The following AKAP9 variants were observed in gnomAD, a reference collection of about 807,000 sequenced individuals.
AKAP9 encodes A-kinase anchor protein 9.
A neutral mutation model predicts 488.5 loss-of-function variants in AKAP9; 311 were observed. The ratio of observed to expected loss-of-function variants is 0.64; its 90% confidence interval spans 0.58 to 0.70. The LOEUF (loss-of-function observed/expected upper bound fraction) is 0.70. AKAP9 is among the 30% of genes least tolerant of loss of function. The probability of loss-of-function intolerance (pLI) is 0.00; values close to 1 mark genes in which losing one functional copy is unlikely to be tolerated. For missense variants in AKAP9, 4,215 were observed against 4,374.5 expected, an observed-to-expected ratio of 0.96 and a Z score of 1.03; for synonymous variants, 1,462 against 1,483.5, an observed-to-expected ratio of 0.99 and a Z score of 0.33.
chr7:92,005,049 G>A (rs1799642699), intron 8 of AKAP9, among the ~76,000 whole-genome samples: 1 of 152,084 alleles, frequency 6.6e-6, no homozygotes, highest in South Asian at 2.1e-4. Context: ...TTTTGTCCAA[G>A]GCCTTTTCTG....
Position 92,097,705 on chromosome 7 carries a change from CG to C in AKAP9, c.10520del (p.Gly3507AlafsTer6). 1 of 1,614,056 alleles carries C rather than the reference CG, an allele frequency of 6.2e-7. No homozygotes were observed. Among genetic ancestry groups the C allele is most frequent in the Non-Finnish European group, 8.5e-7 (1 of 1,180,012 alleles). ...TGATTGAAATGAATGGAGGAGGAAC[CG>C]GCTGTAATCATGAATTAGAAATGAT... ...KLIEMNGGGT[G>X]CNHELEMIRQ... On this transcript the variant is annotated frameshift_variant, in exon 42 of 50. Coordinates refer to ENST00000356239, the MANE Select transcript of AKAP9 (RefSeq NM_005751.5). LOFTEE classifies it high-confidence loss of function.
At chr7:91,994,123 T>A (rs1798102589) in intron 5 of AKAP9, among the ~76,000 whole-genome samples, 1 of 152,110 alleles carries the variant, frequency 6.6e-6, no homozygotes, top group Non-Finnish European at 1.5e-5. Flanking sequence ...AGCGAGACCC[T>A]GTCTCAAAAA....
At chr7:92,043,070 G>A in intron 20 of AKAP9, 1 of 234,610 alleles carries the variant, frequency 4.3e-6, no homozygotes, top group East Asian at 9.0e-5. Context: ...TGATTTTGTA[G>A]AGGTTAATAT....
Position 92,066,548 on chromosome 7 carries a change from T to C in AKAP9, c.6330+2T>C. ...ATCAGTGAACATCAAACTAGAGAGG[T>C]AAGAACTTCACTGATATTGCCCAAC... On this transcript the variant is annotated splice_donor_variant, in intron 26 of 49. Coordinates refer to ENST00000356239, the MANE Select transcript of AKAP9 (RefSeq NM_005751.5). LOFTEE classifies it high-confidence loss of function. 1.9e-6 allele frequency: 3 copies of C among 1,613,306 alleles called. No individual in the cohort carries two copies. Among genetic ancestry groups the C allele is most frequent in the Non-Finnish European group, 2.5e-6 (3 of 1,179,508 alleles).
At chr7:92,019,647 A>T (rs185552356) in intron 12 of AKAP9, among the ~76,000 whole-genome samples, 1 of 150,432 alleles carries the variant, frequency 6.6e-6, no homozygotes, top group Admixed American at 6.6e-5. Flanking sequence ...TTACATATAT[A>T]TATATAATAT....
At chr7:91,949,092 T>G (rs1369601079) in intron 1 of AKAP9, among the ~76,000 whole-genome samples, 1 of 152,018 alleles carries the variant, frequency 6.6e-6, no homozygotes, top group Admixed American at 6.6e-5. Context: ...TTAATATCCC[T>G]TGCCCATTTT....
At position 92,077,753 on chromosome 7, in the gene AKAP9, G is replaced by A. The variant is rs1563098925; in HGVS notation, c.6823G>A (p.Asp2275Asn). 1 of 1,613,814 alleles carries A rather than the reference G, an allele frequency of 6.2e-7. No homozygotes were observed. Among genetic ancestry groups the A allele is most frequent in the Non-Finnish European group, 8.5e-7 (1 of 1,179,896 alleles). Reference protein sequence around the residue: ...IKESDAMSTQDQHVLFGKFAQ... With the variant: ...IKESDAMSTQNQHVLFGKFAQ... The stretch of plus-strand genomic sequence containing the variant: ...GGAATCTGATGCCATGTCTACTCAA[G>A]ACCAACATGTGCTATTTGGGAAATT... The change falls in exon 30 of 50, where the codon GAC becomes AAC. Residue 2275 changes from aspartate (D) to asparagine (N), a missense_variant. Physicochemically the swap from Asp to Asn is conservative, Grantham distance 23 (BLOSUM62 1). Around this residue, in one of 5 missense-constraint regions of AKAP9, gnomAD observed 1,476 missense variants for 1,477.4 expected, o/e 1.00. Coordinates refer to ENST00000356239, the MANE Select transcript of AKAP9 (RefSeq NM_005751.5).
At chr7:92,022,049 G>A (rs1177051046) in intron 12 of AKAP9, among the ~76,000 whole-genome samples, 189 bp from the exon 13 acceptor site, 1 of 152,150 alleles carries the variant, frequency 6.6e-6, no homozygotes, top group East Asian at 1.9e-4. Flanking sequence ...GCTATGAAAG[G>A]TATGGAATAT....
At chr7:92,043,213 C>T (rs1053137229) in intron 20 of AKAP9, 2 of 339,924 alleles carry the variant, frequency 5.9e-6, no homozygotes, top group African/African-American at 4.5e-5. Context: ...ATATTTACTT[C>T]TTAATTTCCT....
At chr7:91,994,527 A>T in intron 5 of AKAP9, 94 bp from the exon 6 acceptor site, 2 of 1,027,496 alleles carry the variant, frequency 1.9e-6, no homozygotes, top group Non-Finnish European at 2.9e-6. Context: ...TGTAAGAATT[A>T]TGCCAATGTG....
chr7:92,014,650 A>T (rs900809774), intron 10 of AKAP9, among the ~76,000 whole-genome samples: 1 of 152,164 alleles, frequency 6.6e-6, no homozygotes, highest in African/African-American at 2.4e-5. Flanking sequence ...AATAAATTTT[A>T]AAAAATAAAT....
chr7:92,013,014 C>T (rs1385463228), intron 9 of AKAP9, among the ~76,000 whole-genome samples: 7 of 72,442 alleles, frequency 9.7e-5, no homozygotes, highest in Non-Finnish European at 1.2e-4. Context: ...TTTTTTGAGA[C>T]GGAGTCTCGC....
rs1177803225 is a variant in AKAP9 at position 92,097,738 on chromosome 7, A to G, written c.10551A>G (p.Gln3517=). The G allele has an allele frequency of 1.9e-6, 3 of 1,614,230 alleles. No individual in the cohort carries two copies. The highest frequency in any genetic ancestry group is 2.2e-5 in the South Asian group (2 of 91,082). ...ATCATGAATTAGAAATGATCAGACA[A>G]AAGCTTCAATGTGTAGCTTCAAAAC... ...GCNHELEMIR[Q]KLQCVASKLQ... is the part of the protein sequence containing the mutation. Residue 3517 remains glutamine, a synonymous_variant, in exon 42 of 50, where the codon CAA becomes CAG. Coordinates refer to ENST00000356239, the MANE Select transcript of AKAP9 (RefSeq NM_005751.5).
At chr7:92,032,669 A>G (rs1172925051) in intron 16 of AKAP9, among the ~76,000 whole-genome samples, 3 of 152,164 alleles carry the variant, frequency 2.0e-5, no homozygotes, top group Admixed American at 6.5e-5. Context: ...ATTAGGAAAA[A>G]CATAAATTCG....
chr7:91,975,907 T>G (rs981405863), intron 2 of AKAP9, among the ~76,000 whole-genome samples: 16 of 112,144 alleles, frequency 1.4e-4, no homozygotes, highest in African/African-American at 6.1e-4. Flanking sequence ...TATTGGTTTG[T>G]TTTTTGTTTG....
intron 2 of AKAP9, among the ~76,000 whole-genome samples, chr7:91,978,723 A>C (rs1796010468): frequency 6.6e-6 from 1 of 151,834 alleles, no homozygotes; most frequent in South Asian, 2.1e-4. Context: ...TTTCAGAGAA[A>C]TTGAACTTTT....
chr7:92,026,615 G>A (rs941631184), intron 14 of AKAP9, among the ~76,000 whole-genome samples: 2 of 152,190 alleles, frequency 1.3e-5, no homozygotes, highest in African/African-American at 2.4e-5. Flanking sequence ...GATTGCAGAC[G>A]GAGTCTCGCT....
intron 12 of AKAP9, among the ~76,000 whole-genome samples, chr7:92,019,625 A>G (rs7802668): frequency 0.4 from 60,170 of 150,082 alleles, 12,359 homozygotes; most frequent in African/African-American, 0.46. Flanking sequence ...TGTCATATAC[A>G]TATATACTAT....
intron 22 of AKAP9, chr7:92,058,497 A>G (rs1409912636): frequency 7.9e-6 from 3 of 381,068 alleles, no homozygotes; most frequent in African/African-American, 6.4e-5. Flanking sequence ...TAAATGGGAT[A>G]GAACCTTGTT....
Sources: gnomAD v4.1 joint callset for allele counts (sites outside exome capture counted in the v4.1 genomes callset) on GRCh38, gnomAD v4.1.1 for gene constraint, gnomAD v4.1.1 regional missense constraint, MANE v1.5 for transcripts, NCBI Gene and HGNC (gene_info 2026-07-23, HGNC 2026-07-21) for gene names.